Variants in TNFRSF13B observed in about 807,000 individuals in gnomAD.
The protein encoded by TNFRSF13B is TNF receptor superfamily member 13B.
In TNFRSF13B, 34 loss-of-function variants were observed where a neutral mutation model predicts 24.0. The observed-to-expected ratio is 1.41, with a 90% confidence interval of 1.08 to 1.88. The LOEUF is 1.88. TNFRSF13B is among the 40% of genes most tolerant of loss of function. The pLI is 0.00. For synonymous variants in TNFRSF13B, 173 were observed against 150.3 expected, an observed-to-expected ratio of 1.15 and a Z score of -1.10; for missense variants, 415 against 380.8, an observed-to-expected ratio of 1.09 and a Z score of -0.75.
intron 1 of TNFRSF13B, among the ~76,000 whole-genome samples, chr17:16,967,159 T>C (rs963657586): frequency 2.6e-5 from 4 of 151,928 alleles, no homozygotes; most frequent in Non-Finnish European, 5.9e-5. Context: ...ACATTTGTAA[T>C]AGCAGAAGAT....
At chr17:16,959,389 T>C (rs2087646319) in intron 1 of TNFRSF13B, among the ~76,000 whole-genome samples, 1 of 151,774 alleles carries the variant, frequency 6.6e-6, no homozygotes, top group Non-Finnish European at 1.5e-5. Context: ...AACCTGATCA[T>C]AACTAAATCA....
At chr17:16,970,298 A>C (rs1340066285) in intron 1 of TNFRSF13B, among the ~76,000 whole-genome samples, 1 of 152,194 alleles carries the variant, frequency 6.6e-6, no homozygotes, top group Non-Finnish European at 1.5e-5. Flanking sequence ...GGCTGGGCTC[A>C]GACTCTGGGC....
intron 1 of TNFRSF13B, among the ~76,000 whole-genome samples, chr17:16,965,883 G>A (rs2087695382): frequency 6.6e-6 from 1 of 152,146 alleles, no homozygotes; most frequent in South Asian, 2.1e-4. Context: ...AGTGTGAAAG[G>A]TCTTTCTAAC....
At chr17:16,954,775 C>T (rs763443672) in intron 1 of TNFRSF13B, among the ~76,000 whole-genome samples, 26 of 152,204 alleles carry the variant, frequency 1.7e-4, no homozygotes, top group Admixed American at 6.5e-5. Flanking sequence ...GACCCCAGCA[C>T]ATCCCCATTC....
chr17:16,954,179 G>A (rs537539600), intron 1 of TNFRSF13B, among the ~76,000 whole-genome samples: 2 of 152,308 alleles, frequency 1.3e-5, no homozygotes, highest in Admixed American at 6.5e-5. Context: ...AGGATTTCTT[G>A]AGGCCAGGAG....
chr17:16,953,156 A>G (rs2087601888), intron 1 of TNFRSF13B, among the ~76,000 whole-genome samples: 1 of 152,200 alleles, frequency 6.6e-6, no homozygotes, highest in African/African-American at 2.4e-5. Flanking sequence ...TGTGAGCACC[A>G]TCTGGCAGGG....
At chr17:16,958,768 A>T (rs2087642092) in intron 1 of TNFRSF13B, among the ~76,000 whole-genome samples, 1 of 152,102 alleles carries the variant, frequency 6.6e-6, no homozygotes, top group African/African-American at 2.4e-5. Context: ...AAGATGTAAC[A>T]ATTATAAATG....
chr17:16,953,499 A>G (rs1435996166), intron 1 of TNFRSF13B, among the ~76,000 whole-genome samples: 2 of 152,142 alleles, frequency 1.3e-5, no homozygotes, highest in African/African-American at 4.8e-5. Context: ...CCGACACCCA[A>G]TGCCCATGCC....
rs534702910 is a variant in TNFRSF13B, at chr17:16,946,918, C to T, written c.445+1820G>A. Among the ~76,000 whole-genome samples the T allele has an allele frequency of 5.3e-5, 8 of 152,254 alleles. No individual in the cohort carries two copies. In the South Asian group the frequency reaches 1.7e-3, roughly 32 times the overall value. On this transcript the variant is annotated intron_variant, in intron 3 of 4. Coordinates refer to ENST00000261652, the MANE Select transcript of TNFRSF13B (RefSeq NM_012452.3). ...TTTTTACAATTTTTTTTCCCTCTGG[C>T]AGTTGTTAATGAACTACTTAAACAT...
chr17:16,957,503 A>G (rs912872954), intron 1 of TNFRSF13B, among the ~76,000 whole-genome samples: 1 of 152,162 alleles, frequency 6.6e-6, no homozygotes, highest in Non-Finnish European at 1.5e-5. Context: ...AGGAGTCTCA[A>G]TAAATTTGAT....
chr17:16,943,765 G>C (rs1567650711), intron 3 of TNFRSF13B, among the ~76,000 whole-genome samples: 1 of 152,186 alleles, frequency 6.6e-6, no homozygotes, highest in African/African-American at 2.4e-5. Context: ...CCCCCATGTT[G>C]GGGGACAGGG....
chr17:16,964,435 C>T (rs372573089), intron 1 of TNFRSF13B, among the ~76,000 whole-genome samples: 39 of 146,910 alleles, frequency 2.7e-4, no homozygotes, highest in African/African-American at 9.8e-4. Flanking sequence ...CTCTGCCTTC[C>T]GAGTTCAAGC....
intron 1 of TNFRSF13B, among the ~76,000 whole-genome samples, chr17:16,963,344 G>T (rs149816598): frequency 6.6e-6 from 1 of 152,136 alleles, no homozygotes; most frequent in African/African-American, 2.4e-5. Context: ...TCCTGTTGGC[G>T]TGAGCCAACT....
At chr17:16,941,531 G>A (rs1249599815) in intron 3 of TNFRSF13B, 2 of 987,500 alleles carry the variant, frequency 2.0e-6, no homozygotes, top group African/African-American at 3.5e-5. Context: ...AGAAGAGCGA[G>A]TCCCACTTCG....
At chr17:16,944,760 C>T (rs558028105) in intron 3 of TNFRSF13B, among the ~76,000 whole-genome samples, 13 of 152,292 alleles carry the variant, frequency 8.5e-5, no homozygotes, top group Admixed American at 3.3e-4. Context: ...AGTGGCAGTT[C>T]TGAATGGGAT....
At chr17:16,946,596 A>T (rs11078358) in intron 3 of TNFRSF13B, among the ~76,000 whole-genome samples, 46,733 of 135,380 alleles carry the variant, frequency 0.35, 8,005 homozygotes, top group East Asian at 0.65. Context: ...TTATTTATTT[A>T]TTTTTTTTTG....
intron 1 of TNFRSF13B, among the ~76,000 whole-genome samples, chr17:16,963,748 C>T (rs1441058773): frequency 6.6e-6 from 1 of 152,160 alleles, no homozygotes; most frequent in Non-Finnish European, 1.5e-5. Flanking sequence ...GACAGGGTTT[C>T]ACCGTGTTAG....
intron 4 of TNFRSF13B, chr17:16,940,080 TG>T: frequency 2.7e-6 from 3 of 1,126,176 alleles, no homozygotes; most frequent in Non-Finnish European, 3.7e-6. Flanking sequence ...GCTCTGCATC[TG>T]GAGAATCCTG....
chr17:16,949,706 A>T (rs1163729472), intron 2 of TNFRSF13B, among the ~76,000 whole-genome samples: 1 of 148,480 alleles, frequency 6.7e-6, no homozygotes, highest in Non-Finnish European at 1.5e-5. Flanking sequence ...TTTTTTTGAG[A>T]AGGAGTTTCG....
Sources: allele counts gnomAD v4.1 joint callset (sites outside exome capture counted in the v4.1 genomes callset), GRCh38; gene constraint gnomAD v4.1.1; transcripts MANE v1.5; gene names NCBI Gene and HGNC (gene_info 2026-07-23, HGNC 2026-07-21).